Variants in NTM observed in about 807,000 individuals in gnomAD.
NTM encodes neurotrimin, also known as IgLON family member 2.
In NTM, 13 loss-of-function variants were observed where a neutral mutation model predicts 42.1. That is an observed-to-expected ratio of 0.31 (90% CI 0.20 to 0.49). The LOEUF is 0.49. Among genes scored for constraint, NTM ranks in the 20% least tolerant of loss-of-function variants. NTM has a pLI of 0.99. For synonymous variants in NTM, 187 were observed against 179.2 expected (o/e 1.04, Z -0.35); for missense variants, 373 against 452.8 (o/e 0.82, Z 1.60).
chr11:131,488,608 C>G (rs1954444415), intron 1 of NTM, among the ~76,000 whole-genome samples: 1 of 152,158 alleles, frequency 6.6e-6, no homozygotes, highest in African/African-American at 2.4e-5. Flanking sequence ...CATGTGCATA[C>G]AGGGTGGGAG....
chr11:131,460,874 A>T (rs1386349109), intron 1 of NTM, among the ~76,000 whole-genome samples: 1 of 152,184 alleles, frequency 6.6e-6, no homozygotes, highest in African/African-American at 2.4e-5. Context: ...TTTTGATGTC[A>T]CTGGGGAAAT....
intron 1 of NTM, among the ~76,000 whole-genome samples, chr11:131,554,905 G>C (rs1423739414): frequency 6.6e-6 from 1 of 152,084 alleles, no homozygotes; most frequent in Non-Finnish European, 1.5e-5. Flanking sequence ...ACCTGTCCTA[G>C]CTGTCTATTT....
chr11:132,161,170 G>A (rs1352225117), intron 3 of NTM, among the ~76,000 whole-genome samples: 1 of 152,014 alleles, frequency 6.6e-6, no homozygotes, highest in Non-Finnish European at 1.5e-5. Flanking sequence ...TTGAGCTCCT[G>A]GTTTCATACT....
At chr11:132,280,722 G>A (rs560669464) in intron 4 of NTM, among the ~76,000 whole-genome samples, 2 of 152,166 alleles carry the variant, frequency 1.3e-5, no homozygotes, top group African/African-American at 4.8e-5. Context: ...CTGACCTCAG[G>A]TGATCTGCCC....
intron 2 of NTM, among the ~76,000 whole-genome samples, chr11:131,926,350 A>G (rs905990081): frequency 3.9e-5 from 6 of 152,180 alleles, no homozygotes; most frequent in African/African-American, 1.4e-4. Context: ...CATGGTGGAA[A>G]GTATTGGGGC....
chr11:131,939,857 C>A (rs1023000336), intron 2 of NTM, among the ~76,000 whole-genome samples: 1 of 152,012 alleles, frequency 6.6e-6, no homozygotes, highest in Non-Finnish European at 1.5e-5. Flanking sequence ...AGGAGAGTAG[C>A]AAGGAGGGAT....
intron 2 of NTM, among the ~76,000 whole-genome samples, chr11:132,047,407 G>C (rs550831426): frequency 6.6e-6 from 1 of 152,374 alleles, no homozygotes; most frequent in South Asian, 2.1e-4. Context: ...CTCCAGGCCA[G>C]CCTGATGCTG....
intron 1 of NTM, among the ~76,000 whole-genome samples, chr11:131,680,575 G>A (rs12278477): frequency 3.6e-5 from 5 of 140,270 alleles, no homozygotes; most frequent in African/African-American, 1.3e-4. Flanking sequence ...GTAGGCATGT[G>A]TGCCTCTGTG....
intron 1 of NTM, chr11:131,910,692 G>C (rs922486776): frequency 6.6e-6 from 2 of 301,674 alleles, no homozygotes; most frequent in Non-Finnish European, 4.9e-6. Flanking sequence ...CTCCGGTGCG[G>C]GCTGCGCCGC....
At chr11:131,934,417 A>T (rs1317242148) in intron 2 of NTM, among the ~76,000 whole-genome samples, 2 of 152,236 alleles carry the variant, frequency 1.3e-5, no homozygotes, top group Non-Finnish European at 2.9e-5. Context: ...TTGAGGATTA[A>T]TTATAATCAT....
At chr11:132,282,783 A>G (rs1236522928) in intron 4 of NTM, among the ~76,000 whole-genome samples, 1 of 152,208 alleles carries the variant, frequency 6.6e-6, no homozygotes, top group East Asian at 1.9e-4. Context: ...TCTACACAAA[A>G]TCTTCTTACA....
At chr11:132,028,674 C>G (rs569435387) in intron 2 of NTM, among the ~76,000 whole-genome samples, 3 of 152,078 alleles carry the variant, frequency 2.0e-5, no homozygotes, top group African/African-American at 7.2e-5. Flanking sequence ...TTTCTTCCCC[C>G]GCTCAGGTGA....
At chr11:132,173,608 A>G (rs979751075) in intron 3 of NTM, among the ~76,000 whole-genome samples, 3 of 152,188 alleles carry the variant, frequency 2.0e-5, no homozygotes, top group African/African-American at 7.2e-5. Flanking sequence ...CATCTGTAAT[A>G]TTTGTATGCA....
intron 1 of NTM, among the ~76,000 whole-genome samples, chr11:131,701,536 A>G (rs1187053651): frequency 1.3e-5 from 2 of 152,246 alleles, no homozygotes; most frequent in African/African-American, 4.8e-5. Flanking sequence ...ATCCAGAGGC[A>G]CGGGCAAGGA....
intron 2 of NTM, among the ~76,000 whole-genome samples, chr11:132,145,715 G>A (rs946389012): frequency 5.3e-5 from 8 of 152,228 alleles, no homozygotes; most frequent in South Asian, 2.1e-4. Context: ...AGTTTTGACT[G>A]CAGAAGCCTT....
intron 6 of NTM, chr11:132,312,278 A>AGGAAACTGT (rs2095303542): frequency 6.6e-6 from 1 of 152,088 alleles, no homozygotes; most frequent in South Asian, 2.1e-4. Flanking sequence ...GGCAGATTAA[A>AGGAAACTGT]GGAAACTGTG....
rs543263522 is a variant in NTM, at chr11:131,613,767, G to T, written c.82+242879G>T. ...GAGACTCCGAGAAGTTAAGTCACTA[G>T]CCCAAAGCCACACAGCCCGTAAGAT... On this transcript the variant is annotated intron_variant, in intron 1 of 8. Coordinates refer to ENST00000683400, the MANE Select transcript of NTM (RefSeq NM_001352005.2). Among the ~76,000 whole-genome samples, 11 of 152,112 alleles carry T rather than the reference G, an allele frequency of 7.2e-5. No individual in the cohort carries two copies. The South Asian group carries it at 1.0e-3, about 14-fold the overall frequency.
chr11:131,988,097 G>C (rs1014976452), intron 2 of NTM, among the ~76,000 whole-genome samples: 2 of 152,196 alleles, frequency 1.3e-5, no homozygotes, highest in Admixed American at 1.3e-4. Context: ...TCCTCAGATG[G>C]TGCCTTCTTG....
At chr11:131,504,893 C>T (rs79540657) in intron 1 of NTM, among the ~76,000 whole-genome samples, 3 of 152,092 alleles carry the variant, frequency 2.0e-5, no homozygotes, top group Non-Finnish European at 4.4e-5. Flanking sequence ...TGGCAATTGG[C>T]GGTCATGTCT....
Sources: allele counts gnomAD v4.1 joint callset (sites outside exome capture counted in the v4.1 genomes callset), GRCh38; gene constraint gnomAD v4.1.1; transcripts MANE v1.5; gene names NCBI Gene and HGNC (gene_info 2026-07-23, HGNC 2026-07-21).